CPA6: variants seen among roughly 807,000 people sequenced by gnomAD.
The protein encoded by CPA6 is carboxypeptidase A6.
Under a neutral mutation model 63.3 loss-of-function variants are expected in CPA6, and 58 were observed. The observed-to-expected ratio is 0.92, with a 90% CI of 0.74 to 1.14. CPA6 has a LOEUF of 1.14. Ranked by LOEUF, CPA6 falls within the 50% of genes most tolerant of loss-of-function variation. CPA6 has a pLI of 0.00. For synonymous variants in CPA6, 185 were observed against 179.0 expected, an observed-to-expected ratio of 1.03 and a Z score of -0.27; for missense variants, 565 against 526.6, an observed-to-expected ratio of 1.07 and a Z score of -0.71.
At chr8:67,606,244 AT>A (rs1424452600) in intron 2 of CPA6, among the ~76,000 whole-genome samples, 1 of 151,398 alleles carries the variant, frequency 6.6e-6, no homozygotes, top group Non-Finnish European at 1.5e-5. Context: ...TGATGAGTTA[AT>A]GGGTGCAGCA....
intron 2 of CPA6, among the ~76,000 whole-genome samples, chr8:67,530,654 G>A (rs183258670): frequency 3.9e-5 from 6 of 152,304 alleles, no homozygotes; most frequent in African/African-American, 1.4e-4. Flanking sequence ...GAGGTGATAC[G>A]CTGGCAGTCC....
chr8:67,574,171 A>G (rs1813562602), intron 2 of CPA6, among the ~76,000 whole-genome samples: 1 of 151,978 alleles, frequency 6.6e-6, no homozygotes, highest in African/African-American at 2.4e-5. Context: ...TGATGTCAGG[A>G]GTTCAAAATC....
intron 2 of CPA6, among the ~76,000 whole-genome samples, chr8:67,542,557 G>A (rs533689132): frequency 6.6e-6 from 1 of 152,292 alleles, no homozygotes; most frequent in East Asian, 1.9e-4. Context: ...TCAAATGCAG[G>A]TACAATCTGT....
chr8:67,637,572 G>A (rs750504856), intron 1 of CPA6, among the ~76,000 whole-genome samples: 10 of 151,488 alleles, frequency 6.6e-5, no homozygotes, highest in African/African-American at 9.8e-5. Flanking sequence ...ATTTATCCAC[G>A]TAGCAAATTA....
intron 2 of CPA6, among the ~76,000 whole-genome samples, chr8:67,581,217 G>T (rs1813763041): frequency 6.6e-6 from 1 of 152,184 alleles, no homozygotes; most frequent in Admixed American, 6.5e-5. Flanking sequence ...CAGTGGATGT[G>T]CGACAGTTGA....
chr8:67,706,939 T>C (rs188350009), intron 1 of CPA6, among the ~76,000 whole-genome samples: 271 of 152,326 alleles, frequency 1.8e-3, no homozygotes, highest in Non-Finnish European at 3.2e-3. Flanking sequence ...TCCAAATTTA[T>C]GCAAAATTCT....
chr8:67,502,533 G>C (rs1267472836), intron 6 of CPA6, among the ~76,000 whole-genome samples: 1 of 151,822 alleles, frequency 6.6e-6, no homozygotes, highest in Non-Finnish European at 1.5e-5. Flanking sequence ...GCATGCTTTG[G>C]GTTTATTTTC....
chr8:67,571,225 GGA>G (rs370516864), intron 2 of CPA6, among the ~76,000 whole-genome samples: 136 of 152,218 alleles, frequency 8.9e-4, no homozygotes, highest in African/African-American at 3.0e-3. Flanking sequence ...GGATCTGAAG[GGA>G]GAGAGAGATT....
intron 1 of CPA6, among the ~76,000 whole-genome samples, chr8:67,659,108 A>G (rs1363949033): frequency 5.3e-5 from 8 of 152,366 alleles, no homozygotes; most frequent in East Asian, 3.9e-4. Flanking sequence ...TGCAAGCCCT[A>G]TGCTGGCTGG....
At chr8:67,618,551 T>C (rs1815009787) in intron 2 of CPA6, among the ~76,000 whole-genome samples, 1 of 152,150 alleles carries the variant, frequency 6.6e-6, no homozygotes. Context: ...GTTTTCCCCA[T>C]GTGATTTTAT....
At chr8:67,433,039 A>C (rs1810062935) in intron 9 of CPA6, among the ~76,000 whole-genome samples, 1 of 151,926 alleles carries the variant, frequency 6.6e-6, no homozygotes, top group South Asian at 2.1e-4. Flanking sequence ...TGGACACCCA[A>C]GTGGTGTTGG....
At chr8:67,665,629 G>A (rs556556804) in intron 1 of CPA6, among the ~76,000 whole-genome samples, 1 of 152,178 alleles carries the variant, frequency 6.6e-6, no homozygotes, top group South Asian at 2.1e-4. Flanking sequence ...CACATGTATG[G>A]CATTTTTCTT....
In CPA6 at chr8:67,529,807, A is replaced by G. The variant is rs566858686; in HGVS notation, c.193-11760T>C. Among the ~76,000 whole-genome samples the G allele has an allele frequency of 4.6e-5, 7 of 152,282 alleles. No homozygotes were observed. The East Asian group carries it at 7.7e-4, about 17-fold the overall frequency. On this transcript the variant is annotated intron_variant, in intron 2 of 10. Coordinates refer to ENST00000297770, the MANE Select transcript of CPA6 (RefSeq NM_020361.5). Reference sequence around the variant, plus strand: ...GTCACGGGGGTGGCCCAATGATCCAATCATACCCCAAGAAGTCCACTCTTT... The same window carrying G: ...GTCACGGGGGTGGCCCAATGATCCAGTCATACCCCAAGAAGTCCACTCTTT...
chr8:67,700,465 A>G (rs2553650), intron 1 of CPA6, among the ~76,000 whole-genome samples: 51,629 of 152,078 alleles, frequency 0.34, 10,161 homozygotes, highest in African/African-American at 0.54. Context: ...CAATTTGGGG[A>G]TTTGCAAAGG....
chr8:67,579,599 T>C (rs1039082467), intron 2 of CPA6, among the ~76,000 whole-genome samples: 1 of 152,140 alleles, frequency 6.6e-6, no homozygotes, highest in Non-Finnish European at 1.5e-5. Context: ...ACAAATAATA[T>C]GGGTCAAACT....
At position 67,573,012 on chromosome 8, in the gene CPA6, T is replaced by C. The variant is rs1216360874; in HGVS notation, c.192+51164A>G. Among the ~76,000 whole-genome samples the C allele has an allele frequency of 2.6e-5, 4 of 152,238 alleles. No individual in the cohort carries two copies. In the South Asian group the frequency reaches 6.2e-4, roughly 24 times the overall value. ...AATGAGAGACACCATATTAACATAA[T>C]CAAGGAAAAAGCATGATTATTTCTT... On this transcript the variant is annotated intron_variant, in intron 2 of 10. Transcript: ENST00000297770.
intron 2 of CPA6, among the ~76,000 whole-genome samples, chr8:67,615,546 G>A (rs1814923689): frequency 6.6e-6 from 1 of 152,142 alleles, no homozygotes; most frequent in African/African-American, 2.4e-5. Flanking sequence ...CCAGAGGGGT[G>A]GGTCAAAAAA....
intron 2 of CPA6, among the ~76,000 whole-genome samples, chr8:67,559,583 G>A (rs1164431274): frequency 6.6e-6 from 1 of 152,032 alleles, no homozygotes; most frequent in Admixed American, 6.6e-5. Flanking sequence ...GGAAAAGGAG[G>A]CCTGACTGTC....
intron 1 of CPA6, among the ~76,000 whole-genome samples, chr8:67,694,304 G>C (rs1395083107): frequency 6.6e-6 from 1 of 152,210 alleles, no homozygotes; most frequent in East Asian, 1.9e-4. Context: ...TAGGCTTTTA[G>C]GATTTTAGAG....
Sources: gnomAD v4.1 joint callset for allele counts (sites outside exome capture counted in the v4.1 genomes callset) on GRCh38, gnomAD v4.1.1 for gene constraint, MANE v1.5 for transcripts, NCBI Gene and HGNC (gene_info 2026-07-23, HGNC 2026-07-21) for gene names.